The following PIK3CB variants were observed in gnomAD, a reference collection of about 807,000 sequenced individuals.
PIK3CB encodes phosphatidylinositol-4,5-bisphosphate 3-kinase catalytic subunit beta.
In PIK3CB, 39 loss-of-function variants were observed where a neutral mutation model predicts 136.8. That is an observed-to-expected ratio of 0.29 (90% CI 0.22 to 0.37). PIK3CB has a LOEUF of 0.37. Among genes scored for constraint, PIK3CB ranks in the 10% least tolerant of loss-of-function variants. PIK3CB has a pLI of 1.00. For missense variants in PIK3CB, 868 were observed against 1,275.4 expected, an observed-to-expected ratio of 0.68 and a Z score of 4.87; for synonymous variants, 428 against 436.6, an observed-to-expected ratio of 0.98 and a Z score of 0.25.
At chr3:138,675,558 A>G (rs1380481958) in intron 19 of PIK3CB, among the ~76,000 whole-genome samples, 1 of 152,218 alleles carries the variant, frequency 6.6e-6, no homozygotes, top group Non-Finnish European at 1.5e-5. Flanking sequence ...TGAAAGGAAC[A>G]AGAGAGATGT....
chr3:138,703,808 G>C (rs1312393139), intron 12 of PIK3CB, among the ~76,000 whole-genome samples: 3 of 152,120 alleles, frequency 2.0e-5, no homozygotes, highest in Non-Finnish European at 2.9e-5. Flanking sequence ...CCAAGCGCAT[G>C]ACTGATGGCG....
intron 1 of PIK3CB, among the ~76,000 whole-genome samples, chr3:138,805,732 T>G (rs2046226993): frequency 6.6e-6 from 1 of 151,628 alleles, no homozygotes; most frequent in South Asian, 2.1e-4. Flanking sequence ...TGTTGTTGTT[T>G]TGCTTTGTTT....
chr3:138,806,454 C>T (rs1200723921), intron 1 of PIK3CB, among the ~76,000 whole-genome samples: 3 of 151,956 alleles, frequency 2.0e-5, no homozygotes, highest in African/African-American at 4.8e-5. Flanking sequence ...CACCGCATTC[C>T]AGCCTGGGAG....
At chr3:138,718,914 T>G (rs1360903364) in intron 8 of PIK3CB, among the ~76,000 whole-genome samples, 1 of 152,172 alleles carries the variant, frequency 6.6e-6, no homozygotes, top group Non-Finnish European at 1.5e-5. Context: ...TGCCTATTTT[T>G]GTATTAGATA....
At chr3:138,711,758 T>C (rs1353920116) in intron 10 of PIK3CB, among the ~76,000 whole-genome samples, 1 of 152,040 alleles carries the variant, frequency 6.6e-6, no homozygotes, top group East Asian at 1.9e-4. Flanking sequence ...AGAGTTAACT[T>C]GTTACTAGCA....
chr3:138,698,647 T>C (rs1231556325), intron 13 of PIK3CB, among the ~76,000 whole-genome samples: 2 of 152,196 alleles, frequency 1.3e-5, no homozygotes, highest in Non-Finnish European at 2.9e-5. Flanking sequence ...AAAGTGGTAC[T>C]TTTGATAGAT....
rs192945250 is a variant in PIK3CB at position 138,757,083 on chromosome 3, A to G, written c.172-1104T>C. On this transcript the variant is annotated intron_variant, in intron 3 of 23. Transcript: ENST00000674063. ...ACAAGCACATAAAAAGATGCTCAACATCATTAGTCATGAGGGAAATGCACA... is the reference window on the plus strand; with the variant it reads ...ACAAGCACATAAAAAGATGCTCAACGTCATTAGTCATGAGGGAAATGCACA... Among the ~76,000 whole-genome samples the G allele has an allele frequency of 9.2e-5, 14 of 152,284 alleles. No homozygotes were observed. The East Asian group carries it at 2.7e-3, about 29-fold the overall frequency.
At chr3:138,756,459 C>T (rs952963581) in intron 3 of PIK3CB, among the ~76,000 whole-genome samples, 1 of 152,104 alleles carries the variant, frequency 6.6e-6, no homozygotes, top group Non-Finnish European at 1.5e-5. Flanking sequence ...TGTATCACCA[C>T]CTCCATACAA....
intron 4 of PIK3CB, among the ~76,000 whole-genome samples, chr3:138,744,428 T>C (rs1190046773): frequency 1.6e-4 from 9 of 56,892 alleles, no homozygotes; most frequent in Non-Finnish European, 2.8e-4. Flanking sequence ...AAAAAGGAAG[T>C]GGATCACCAT....
chr3:138,768,525 T>A (rs1419580780), intron 2 of PIK3CB, among the ~76,000 whole-genome samples: 2 of 152,182 alleles, frequency 1.3e-5, no homozygotes, highest in Non-Finnish European at 2.9e-5. Flanking sequence ...TCCATGGAAC[T>A]GGCAGCCTGG....
At chr3:138,702,910 A>G (rs1488655842) in intron 12 of PIK3CB, among the ~76,000 whole-genome samples, 2 of 152,178 alleles carry the variant, frequency 1.3e-5, no homozygotes, top group African/African-American at 4.8e-5. Context: ...GCAGTCAAAC[A>G]CAAGGATCCT....
chr3:138,690,969 G>A, intron 15 of PIK3CB, 31 bp downstream of exon 15: 2 of 1,566,964 alleles, frequency 1.3e-6, no homozygotes, highest in Non-Finnish European at 1.7e-6. Flanking sequence ...AAAGCACCTG[G>A]TGGGCTCAAA....
chr3:138,782,286 A>AT (rs2045931414), intron 2 of PIK3CB, among the ~76,000 whole-genome samples: 1 of 152,242 alleles, frequency 6.6e-6, no homozygotes, highest in African/African-American at 2.4e-5. Flanking sequence ...CTTGGGTGTG[A>AT]TAAGAAGGAG....
intron 12 of PIK3CB, among the ~76,000 whole-genome samples, chr3:138,701,907 G>A (rs1302462061): frequency 5.3e-5 from 8 of 149,554 alleles, no homozygotes. Context: ...TATCCACAAA[G>A]TATATTAAAT....
At chr3:138,741,325 A>G (rs1196178927) in intron 5 of PIK3CB, among the ~76,000 whole-genome samples, 3 of 152,250 alleles carry the variant, frequency 2.0e-5, no homozygotes, top group Admixed American at 2.0e-4. Flanking sequence ...TCTTCCTTTC[A>G]GTCTCTTCAC....
chr3:138,782,119 C>T (rs73866224), intron 2 of PIK3CB, among the ~76,000 whole-genome samples: 5,805 of 152,174 alleles, frequency 0.038, 383 homozygotes, highest in African/African-American at 0.13. Context: ...ACTATTTAAA[C>T]AAGTTATATT....
At chr3:138,660,368 A>G (rs1364559746) in intron 21 of PIK3CB, among the ~76,000 whole-genome samples, 1 of 152,176 alleles carries the variant, frequency 6.6e-6, no homozygotes, top group Non-Finnish European at 1.5e-5. Context: ...ACAGAATCCT[A>G]TTATTACTTT....
Position 138,729,456 on chromosome 3 carries a change from G to A in PIK3CB, c.1050+3905C>T, listed in dbSNP as rs368228531. Among the ~76,000 whole-genome samples the A allele has an allele frequency of 2.2e-4, 33 of 152,236 alleles. No homozygotes were observed. The East Asian group carries it at 6.0e-3, about 28-fold the overall frequency. The stretch of plus-strand genomic sequence containing the variant: ...GATTAACATTGTGATCAGTAGACTG[G>A]GTAAAGCAGATTGCCCTCCCTGATG... On this transcript the variant is annotated intron_variant, in intron 8 of 23. Coordinates refer to ENST00000674063, the MANE Select transcript of PIK3CB (RefSeq NM_006219.3).
rs529282825 is a variant in PIK3CB, at chr3:138,740,845, T to C, written c.621+1713A>G. 9.7e-4 allele frequency among the ~76,000 whole-genome samples: 148 copies of C among 152,206 alleles called. 3 individuals carry two copies. The South Asian group carries it at 1.0e-2, about 10-fold the overall frequency. ...TTTTTGTACAGATGGGGTTTCACCA[T>C]GTTGCCCAACCTGGTCTTGAACTCC... On this transcript the variant is annotated intron_variant, in intron 5 of 23. Coordinates refer to ENST00000674063, the MANE Select transcript of PIK3CB (RefSeq NM_006219.3).
Sources: allele counts gnomAD v4.1 joint callset (sites outside exome capture counted in the v4.1 genomes callset), GRCh38; gene constraint gnomAD v4.1.1; transcripts MANE v1.5; gene names NCBI Gene and HGNC (gene_info 2026-07-23, HGNC 2026-07-21).